CATSPERH: variants seen among roughly 807,000 people sequenced by gnomAD.
CATSPERH encodes the protein catsper channel auxiliary subunit eta, also known as cation channel sperm-associated auxiliary subunit eta.
chr11:65,088,770 G>A, the CATSPERH span: 12 of 1,535,598 alleles, frequency 7.8e-6, no homozygotes, highest in African/African-American at 1.5e-4. Context: ...CATCCAGTGG[G>A]AGAGTGGCCC....
chr11:65,088,839 G>A, the CATSPERH span: 54 of 1,535,426 alleles, frequency 3.5e-5, no homozygotes, highest in Admixed American at 5.9e-5. Context: ...CAGCCCTTGC[G>A]TCCCTGCCCT....
the CATSPERH span, chr11:65,088,796 G>A: frequency 6.5e-7 from 1 of 1,535,246 alleles, no homozygotes; most frequent in African/African-American, 1.4e-5. Flanking sequence ...CACAACAGTG[G>A]GGTTTCCATC....
the CATSPERH span, chr11:65,089,074 C>A: frequency 6.8e-7 from 1 of 1,472,446 alleles, no homozygotes; most frequent in Non-Finnish European, 9.2e-7. Flanking sequence ...AGAGCTGGAG[C>A]AAGCAGGCCC....
the CATSPERH span, chr11:65,088,792 A>G: frequency 1.3e-6 from 2 of 1,534,670 alleles, no homozygotes; most frequent in East Asian, 4.9e-5. Flanking sequence ...CTCGCACAAC[A>G]GTGGGGTTTC....
chr11:65,088,449 C>T, the CATSPERH span: 1 of 1,536,274 alleles, frequency 6.5e-7, no homozygotes, highest in South Asian at 1.2e-5. Context: ...TCCGACTCCC[C>T]AGGCCTCAGT....
At chr11:65,088,482 G>A in the CATSPERH span, 1 of 1,536,178 alleles carries the variant, frequency 6.5e-7, no homozygotes, top group Non-Finnish European at 8.7e-7. Flanking sequence ...GGTACTCGAT[G>A]GCCAGAAACT....
the CATSPERH span, chr11:65,088,459 T>G: frequency 6.5e-7 from 1 of 1,536,200 alleles, no homozygotes; most frequent in South Asian, 1.2e-5. Flanking sequence ...CAGGCCTCAG[T>G]GGTGCTCCTC....
the CATSPERH span, chr11:65,088,815 G>T: frequency 6.5e-7 from 1 of 1,535,230 alleles, no homozygotes; most frequent in Non-Finnish European, 8.7e-7. Context: ...TCAGCCCCTC[G>T]GGTCTCCCAC....
the CATSPERH span, chr11:65,088,772 G>T: frequency 6.5e-7 from 1 of 1,535,588 alleles, no homozygotes; most frequent in Non-Finnish European, 8.7e-7. Context: ...TCCAGTGGGA[G>T]AGTGGCCCCC....
the CATSPERH span, chr11:65,088,445 T>G: frequency 2.6e-6 from 4 of 1,536,122 alleles, no homozygotes; most frequent in Non-Finnish European, 3.5e-6. Flanking sequence ...CTGTTCCGAC[T>G]CCCCAGGCCT....
chr11:65,088,386 A>G, the CATSPERH span: 3 of 1,454,158 alleles, frequency 2.1e-6, no homozygotes, highest in South Asian at 3.6e-5. Context: ...AATAAACAAC[A>G]ACTTTATTAA....
the CATSPERH span, chr11:65,088,786 C>T: frequency 6.5e-7 from 1 of 1,535,114 alleles, no homozygotes; most frequent in East Asian, 2.4e-5. Context: ...GGCCCCCTCG[C>T]ACAACAGTGG....
chr11:65,089,017 G>T, the CATSPERH span: 1 of 1,535,708 alleles, frequency 6.5e-7, no homozygotes. Flanking sequence ...TGGCGATGCG[G>T]TCTTGCAGCC....
chr11:65,088,995 GGAA>G, the CATSPERH span: 2 of 1,535,768 alleles, frequency 1.3e-6, no homozygotes, highest in East Asian at 2.4e-5. Flanking sequence ...ATGCCTTTTG[GGAA>G]GAAGAACGTG....
chr11:65,088,605 C>T, the CATSPERH span: 1 of 1,532,378 alleles, frequency 6.5e-7, no homozygotes, highest in Non-Finnish European at 8.7e-7. Context: ...CTCAGGGTTC[C>T]AAAGCTCCCC....
chr11:65,088,887 TGTG>T, the CATSPERH span: 6 of 1,535,658 alleles, frequency 3.9e-6, no homozygotes, highest in Non-Finnish European at 4.4e-6. Context: ...TGAAAGCTCA[TGTG>T]GTCATAGTGG....
At chr11:65,088,775 T>C in the CATSPERH span, 4 of 1,534,640 alleles carry the variant, frequency 2.6e-6, no homozygotes, top group East Asian at 4.9e-5. Flanking sequence ...AGTGGGAGAG[T>C]GGCCCCCTCG....
At chr11:65,088,886 A>G in the CATSPERH span, 1 of 1,535,582 alleles carries the variant, frequency 6.5e-7, no homozygotes, top group South Asian at 1.2e-5. Flanking sequence ...GTGAAAGCTC[A>G]TGTGGTCATA....
chr11:65,088,478 C>G, the CATSPERH span: 1 of 1,536,224 alleles, frequency 6.5e-7, no homozygotes, highest in Non-Finnish European at 8.7e-7. Flanking sequence ...TCCCGGTACT[C>G]GATGGCCAGA....
Sources: allele counts gnomAD v4.1 joint callset, GRCh38; gene constraint gnomAD v4.1.1; transcripts MANE v1.5; gene names NCBI Gene and HGNC (gene_info 2026-07-23, HGNC 2026-07-21).